Variants in NRXN3 observed in about 807,000 individuals in gnomAD.
NRXN3 encodes neurexin 3, also known as neurexin III.
Under a neutral mutation model 137.6 loss-of-function variants are expected in NRXN3, and 32 were observed. That is an observed-to-expected ratio of 0.23 (90% CI 0.18 to 0.31). The LOEUF is 0.31. NRXN3 is among the 10% of genes least tolerant of loss of function. The pLI is 1.00. For missense variants in NRXN3, 1,574 were observed against 2,062.5 expected (o/e 0.76, Z 4.59); for synonymous variants, 798 against 784.5 (o/e 1.02, Z -0.29).
At chr14:79,399,901 G>A (rs553420483) in intron 15 of NRXN3, among the ~76,000 whole-genome samples, 2 of 152,178 alleles carry the variant, frequency 1.3e-5, no homozygotes, top group South Asian at 4.2e-4. Context: ...TTCTGGTGGC[G>A]GCCATCAATT....
intron 1 of NRXN3, among the ~76,000 whole-genome samples, chr14:78,205,399 T>C (rs1251684424): frequency 1.3e-5 from 2 of 152,234 alleles, no homozygotes; most frequent in Non-Finnish European, 2.9e-5. Flanking sequence ...GTTGGGTCTT[T>C]TCAGATTGGC....
intron 10 of NRXN3, among the ~76,000 whole-genome samples, chr14:78,826,812 T>G (rs927097624): frequency 3.3e-5 from 5 of 152,214 alleles, no homozygotes; most frequent in African/African-American, 1.2e-4. Context: ...TCTTCCCTCA[T>G]GGCTAAAGAT....
In NRXN3 at chr14:79,861,944, G is replaced by A. The variant is rs1555801499; in HGVS notation, c.4696G>A (p.Asp1566Asn). 1 of 1,613,256 alleles carries A rather than the reference G, an allele frequency of 6.2e-7. No homozygotes were observed. Among genetic ancestry groups the A allele is most frequent in the Admixed American group, 1.7e-5 (1 of 59,892 alleles). ...KSGHKKQKNK[D>N]REYYV ...CGGCCACAAGAAACAGAAAAACAAG[G>A]ACAGGGAGTATTACGTGTAAACATG... The change falls in exon 21 of 21, where the codon GAC (aspartate) becomes AAC (asparagine). Residue 1566 changes from aspartate to asparagine, a missense_variant. Coordinates refer to ENST00000335750, the MANE Select transcript of NRXN3 (RefSeq NM_001330195.2). The surrounding 1 kb of genome is among the most constrained non-coding windows in gnomAD (Gnocchi z 5.4).
chr14:79,180,622 T>A (rs879562444), intron 15 of NRXN3, among the ~76,000 whole-genome samples: 1 of 152,164 alleles, frequency 6.6e-6, no homozygotes, highest in Non-Finnish European at 1.5e-5. Context: ...GTGTACTTTA[T>A]ATAACAGAGA....
intron 15 of NRXN3, among the ~76,000 whole-genome samples, chr14:79,368,347 C>T (rs2093973816): frequency 6.6e-6 from 1 of 152,198 alleles, no homozygotes; most frequent in South Asian, 2.1e-4. Context: ...ATTGATTCTA[C>T]AACCACTTAT....
At chr14:78,447,073 G>A (rs187860554) in intron 4 of NRXN3, among the ~76,000 whole-genome samples, 2 of 152,324 alleles carry the variant, frequency 1.3e-5, no homozygotes, top group East Asian at 3.9e-4. Context: ...CATAGCCTGC[G>A]AGATGAGACT....
chr14:79,763,656 G>A (rs1212497721), intron 19 of NRXN3, among the ~76,000 whole-genome samples: 1 of 54,632 alleles, frequency 1.8e-5, no homozygotes, highest in Non-Finnish European at 3.2e-5. Context: ...TCTGGTGAGA[G>A]CTTCTTCCTG....
chr14:79,374,026 G>T (rs2094189031), intron 15 of NRXN3, among the ~76,000 whole-genome samples: 1 of 152,082 alleles, frequency 6.6e-6, no homozygotes, highest in African/African-American at 2.4e-5. Flanking sequence ...TTGTAGCAGA[G>T]TAACTCAGTA....
At chr14:78,920,751 G>A (rs914891420) in intron 10 of NRXN3, among the ~76,000 whole-genome samples, 2 of 152,092 alleles carry the variant, frequency 1.3e-5, no homozygotes, top group African/African-American at 4.8e-5. Context: ...ACAGAACCAC[G>A]ACATGTTCTT....
chr14:78,437,326 T>TTTTTC (rs1046241288), intron 4 of NRXN3, among the ~76,000 whole-genome samples: 5 of 151,374 alleles, frequency 3.3e-5, no homozygotes, highest in Non-Finnish European at 5.9e-5. Context: ...GTGGTTTATT[T>TTTTTC]TTTTCTTTTC....
intron 4 of NRXN3, among the ~76,000 whole-genome samples, chr14:78,402,896 T>C (rs1204566927): frequency 3.3e-5 from 5 of 152,142 alleles, no homozygotes; most frequent in African/African-American, 1.2e-4. Context: ...TTAACACTAT[T>C]AAGGAGTAAT....
At chr14:78,896,703 A>G (rs756418598) in intron 10 of NRXN3, among the ~76,000 whole-genome samples, 20 of 152,074 alleles carry the variant, frequency 1.3e-4, no homozygotes, top group Admixed American at 5.2e-4. Context: ...CTAAAAATCT[A>G]TGGAAGCCAC....
At chr14:78,931,140 T>C (rs1597527510) in intron 10 of NRXN3, among the ~76,000 whole-genome samples, 1 of 152,216 alleles carries the variant, frequency 6.6e-6, no homozygotes, top group Admixed American at 6.5e-5. Context: ...CATGAATTTT[T>C]TTTTCCTAAA....
chr14:78,417,560 A>G (rs1366815271), intron 4 of NRXN3, among the ~76,000 whole-genome samples: 2 of 152,220 alleles, frequency 1.3e-5, no homozygotes, highest in East Asian at 1.9e-4. Context: ...GCAGGAACCC[A>G]TCTTAATAAT....
Position 78,243,773 on chromosome 14 carries a change from C to T in NRXN3, c.680C>T (p.Thr227Ile). ...DGHPTCDCST[T>I]GYGGKLCSED... Reference sequence around the variant, plus strand: ...CACCCCACCTGTGACTGTTCTACCACTGGCTATGGTGGCAAGCTCTGCTCA... The same window carrying T: ...CACCCCACCTGTGACTGTTCTACCATTGGCTATGGTGGCAAGCTCTGCTCA... Residue 227 changes from threonine (T) to isoleucine (I), a missense_variant, in exon 2 of 21, where the codon ACT becomes ATT. Coordinates refer to ENST00000335750, the MANE Select transcript of NRXN3 (RefSeq NM_001330195.2). This position sits in a 1 kb window ranked among gnomAD's most constrained non-coding sequence, Gnocchi z 4.2. 6.3e-7 allele frequency: 1 copy of T among 1,592,450 alleles called. No homozygotes were observed. The highest frequency in any genetic ancestry group is 1.7e-4 in the Middle Eastern group (1 of 6,008).
At chr14:79,569,601 ACG>A (rs1491489871) in intron 16 of NRXN3, among the ~76,000 whole-genome samples, 2 of 142,252 alleles carry the variant, frequency 1.4e-5, no homozygotes, top group African/African-American at 2.7e-5. Flanking sequence ...TGAATGAGCA[ACG>A]TGTGTGTGTG....
intron 3 of NRXN3, among the ~76,000 whole-genome samples, chr14:78,293,024 G>T (rs1251773044): frequency 6.6e-6 from 1 of 151,908 alleles, no homozygotes; most frequent in Non-Finnish European, 1.5e-5. Context: ...TGTTTCCTTT[G>T]TTGCTAATTA....
chr14:78,894,155 T>G (rs369743511), intron 10 of NRXN3, among the ~76,000 whole-genome samples: 63 of 152,052 alleles, frequency 4.1e-4, no homozygotes, highest in African/African-American at 1.4e-3. Flanking sequence ...GTTTGCTTTA[T>G]CAATTAACTC....
At chr14:79,128,685 G>T (rs1339868982) in intron 15 of NRXN3, among the ~76,000 whole-genome samples, 1 of 152,150 alleles carries the variant, frequency 6.6e-6, no homozygotes, top group Admixed American at 6.5e-5. Flanking sequence ...GATGATGCTG[G>T]CCTCATAAAA....
Sources: gnomAD v4.1 joint callset for allele counts (sites outside exome capture counted in the v4.1 genomes callset) on GRCh38, gnomAD v4.1.1 for gene constraint, Gnocchi (gnomAD v3.1) non-coding constraint, MANE v1.5 for transcripts, NCBI Gene and HGNC (gene_info 2026-07-23, HGNC 2026-07-21) for gene names.